Variants in LACTB2 observed in about 807,000 individuals in gnomAD.
LACTB2 encodes lactamase beta 2.
In LACTB2, 32 loss-of-function variants were observed where a neutral mutation model predicts 34.8. That is an observed-to-expected ratio of 0.92 (90% CI 0.69 to 1.24). The LOEUF (loss-of-function observed/expected upper bound fraction) is 1.24. Among genes scored for constraint, LACTB2 ranks in the 50% most tolerant of loss-of-function variants. LACTB2 has a pLI of 0.00. For missense variants in LACTB2, 320 were observed against 345.0 expected (o/e 0.93, Z 0.57); for synonymous variants, 120 against 117.5 (o/e 1.02, Z -0.14).
chr8:70,642,783 C>T (rs1292613398), intron 4 of LACTB2, among the ~76,000 whole-genome samples: 3 of 152,150 alleles, frequency 2.0e-5, no homozygotes. Context: ...TGCGCCTGGC[C>T]ATTTCTTAGC....
rs1818429549 is a variant in LACTB2, at chr8:70,657,769, C to T, written c.400G>A (p.Gly134Arg). 6.2e-7 allele frequency: 1 copy of T among 1,611,972 alleles called. No homozygotes were observed. Among genetic ancestry groups the T allele is most frequent in the Non-Finnish European group, 8.5e-7 (1 of 1,178,898 alleles). The part of the protein sequence containing the change: ...LKDGDVIKTE[G>R]ATLRVLYTPG... ...ACATTTACTTACCTTAGAGTGGCTC[C>T]CTCAGTCTTAATCACATCTCCATCT... Residue 134 changes from glycine (G) to arginine (R), a missense_variant, in exon 3 of 7, where the codon GGA becomes AGA. Coordinates refer to ENST00000276590, the MANE Select transcript of LACTB2 (RefSeq NM_016027.3).
chr8:70,652,987 G>A (rs1285369893), intron 3 of LACTB2, among the ~76,000 whole-genome samples: 1 of 152,144 alleles, frequency 6.6e-6, no homozygotes, highest in African/African-American at 2.4e-5. Flanking sequence ...ACTTGGTCTA[G>A]GGCTGGTGTG....
intron 2 of LACTB2, among the ~76,000 whole-genome samples, chr8:70,658,195 A>T (rs930727308): frequency 6.6e-6 from 1 of 152,220 alleles, no homozygotes; most frequent in African/African-American, 2.4e-5. Context: ...TTGAAGAGGC[A>T]CTAATACAGA....
At chr8:70,663,814 A>C (rs921271163) in intron 1 of LACTB2, among the ~76,000 whole-genome samples, 4 of 152,298 alleles carry the variant, frequency 2.6e-5, no homozygotes, top group South Asian at 2.1e-4. Flanking sequence ...TTACCATGTA[A>C]TATATTATGT....
At chr8:70,651,395 T>C (rs1586786177) in intron 3 of LACTB2, among the ~76,000 whole-genome samples, 1 of 152,222 alleles carries the variant, frequency 6.6e-6, no homozygotes, top group East Asian at 1.9e-4. Context: ...TTCAATGTTA[T>C]ATGAAAATAA....
chr8:70,662,060 C>T (rs756860335), intron 1 of LACTB2, 163 bp from the exon 2 acceptor site: 46 of 535,972 alleles, frequency 8.6e-5, no homozygotes, highest in Non-Finnish European at 1.2e-4. Context: ...AGTAATCTCA[C>T]CCTAAGAAAG....
Position 70,669,157 on chromosome 8 carries a change from G to A in LACTB2, c.-37C>T, listed in dbSNP as rs1169436069. On this transcript the variant is annotated 5_prime_UTR_variant, in exon 1 of 7. Transcript: ENST00000276590. ...CCGCCCGCCGGCGTGTCGCCTATCT[G>A]GATACTCCAGCGCGGAAGAAGCCAA... The A allele has an allele frequency of 1.2e-6, 2 of 1,608,234 alleles. No homozygotes were observed. The highest frequency in any genetic ancestry group is 2.2e-5 in the East Asian group (1 of 44,698).
chr8:70,642,214 A>G (rs1361082889), intron 4 of LACTB2, among the ~76,000 whole-genome samples: 1 of 152,202 alleles, frequency 6.6e-6, no homozygotes, highest in African/African-American at 2.4e-5. Flanking sequence ...TCGCTTTAAA[A>G]ATAGCTGTCT....
At chr8:70,647,706 G>T (rs573481975) in intron 3 of LACTB2, among the ~76,000 whole-genome samples, 123 of 152,340 alleles carry the variant, frequency 8.1e-4, no homozygotes, top group African/African-American at 2.9e-3. Context: ...GAACCAATCA[G>T]ATTTGCACTG....
intron 2 of LACTB2, chr8:70,661,448 GT>G (rs1818480177): frequency 3.3e-6 from 1 of 305,522 alleles, no homozygotes; most frequent in Non-Finnish European, 6.2e-6. Flanking sequence ...GTTTAGTGCA[GT>G]GCCTGGCACA....
chr8:70,638,990 G>A (rs1248299882), intron 5 of LACTB2, among the ~76,000 whole-genome samples: 3 of 151,688 alleles, frequency 2.0e-5, no homozygotes, highest in East Asian at 2.0e-4. Flanking sequence ...CACCTGCCTC[G>A]GCCTCCCAAA....
At position 70,637,375 on chromosome 8, in the gene LACTB2, AATAG is replaced by A. The variant is rs1225753146; in HGVS notation, c.*481_*484del. 1 of 152,230 alleles carries A rather than the reference AATAG, an allele frequency of 6.6e-6. No homozygotes were observed. The highest frequency in any genetic ancestry group is 1.5e-5 in the Non-Finnish European group (1 of 68,034). 9.4% of individuals were successfully genotyped at this position (152,230 alleles called of 1,614,324 possible). A position where few individuals can be genotyped will look rare whatever the true frequency, so the allele number is the denominator to read the frequency against. ...ACACATGATACAGAGTTATGGAACC[AATAG>A]ATAGTCATGATATAGTTGATAGAAA... On this transcript the variant is annotated 3_prime_UTR_variant, in exon 7 of 7. Coordinates refer to ENST00000276590, the MANE Select transcript of LACTB2 (RefSeq NM_016027.3).
At chr8:70,644,553 G>A (rs1381551993) in intron 3 of LACTB2, among the ~76,000 whole-genome samples, 3 of 152,088 alleles carry the variant, frequency 2.0e-5, no homozygotes, top group Non-Finnish European at 2.9e-5. Context: ...GTCACTGCAG[G>A]CTCAATCTTC....
chr8:70,663,402 A>T (rs1469588597), intron 1 of LACTB2: 1 of 152,214 alleles, frequency 6.6e-6, no homozygotes, highest in Non-Finnish European at 1.5e-5. Flanking sequence ...CTCATAGCCC[A>T]TTGGCTTCTA....
At chr8:70,647,854 G>A (rs767414289) in intron 3 of LACTB2, among the ~76,000 whole-genome samples, 4 of 152,150 alleles carry the variant, frequency 2.6e-5, no homozygotes, top group Non-Finnish European at 4.4e-5. Flanking sequence ...CCCACTTTGA[G>A]TTGAGAAGTG....
At chr8:70,637,988 G>C in intron 6 of LACTB2, 85 bp from the exon 7 acceptor site, 1 of 708,756 alleles carries the variant, frequency 1.4e-6, no homozygotes, top group Non-Finnish European at 2.2e-6. Context: ...GCTAGAAAAA[G>C]CATTCATTCT....
At chr8:70,640,793 A>G (rs1476659990) in intron 5 of LACTB2, 109 bp downstream of exon 5, 34 of 1,217,000 alleles carry the variant, frequency 2.8e-5, no homozygotes, top group Middle Eastern at 2.9e-4. Context: ...AATCTAGAAA[A>G]GTGGCGTAAC....
intron 2 of LACTB2, 200 bp downstream of exon 2, chr8:70,661,534 T>C: frequency 2.1e-6 from 1 of 478,756 alleles, no homozygotes; most frequent in Non-Finnish European, 3.7e-6. Context: ...AATTGAGGAT[T>C]TGAAACAGAA....
chr8:70,644,482 C>CT (rs1554539794), intron 3 of LACTB2, among the ~76,000 whole-genome samples: 1 of 151,724 alleles, frequency 6.6e-6, no homozygotes, highest in Non-Finnish European at 1.5e-5. Context: ...TTTTTCTTTT[C>CT]TTTTTTTGAG....
Sources: gnomAD v4.1 joint callset for allele counts (sites outside exome capture counted in the v4.1 genomes callset) on GRCh38, gnomAD v4.1.1 for gene constraint, MANE v1.5 for transcripts, NCBI Gene and HGNC (gene_info 2026-07-23, HGNC 2026-07-21) for gene names.